EBF1: variants seen among roughly 807,000 people sequenced by gnomAD.
EBF1 encodes EBF transcription factor 1, also known as transcription factor COE1.
EBF1 carries 10 observed loss-of-function variants against 68.4 expected under a neutral mutation model. That is an observed-to-expected ratio of 0.15 (90% confidence interval 0.09 to 0.25). EBF1 has a LOEUF of 0.25. Ranked by LOEUF, EBF1 falls within the 10% of genes least tolerant of loss-of-function variation. EBF1 has a pLI of 1.00. For synonymous variants in EBF1, 298 were observed against 299.8 expected (o/e 0.99, Z 0.06); for missense variants, 509 against 794.4 (o/e 0.64, Z 4.32).
intron 8 of EBF1, among the ~76,000 whole-genome samples, chr5:158,811,469 G>C (rs1392887543): frequency 6.6e-6 from 1 of 152,200 alleles, no homozygotes; most frequent in Non-Finnish European, 1.5e-5. Flanking sequence ...AAAAGCTGCA[G>C]ATAAAAACCT....
At chr5:158,986,303 A>T (rs569184889) in intron 6 of EBF1, 1 of 152,330 alleles carries the variant, frequency 6.6e-6, no homozygotes, top group East Asian at 1.9e-4. Context: ...TGAAATGGGG[A>T]ACAGGTACAA....
intron 6 of EBF1, among the ~76,000 whole-genome samples, chr5:159,053,605 T>TCTCA (rs750232925): frequency 5.2e-4 from 76 of 146,410 alleles, no homozygotes; most frequent in East Asian, 1.2e-3. Flanking sequence ...TCTCTCTCTC[T>TCTCA]CACACACACA....
At chr5:159,076,693 C>T (rs1778840839) in intron 5 of EBF1, among the ~76,000 whole-genome samples, 2 of 152,182 alleles carry the variant, frequency 1.3e-5, no homozygotes, top group East Asian at 1.9e-4. Context: ...TGGGTCATAT[C>T]ACTGCATCAC....
At chr5:158,961,037 A>G (rs2127534174) in intron 6 of EBF1, among the ~76,000 whole-genome samples, 1 of 152,388 alleles carries the variant, frequency 6.6e-6, no homozygotes, top group South Asian at 2.1e-4. Context: ...TAGGCAATTC[A>G]CCAAAATATG....
At chr5:158,842,017 A>C (rs1790430562) in intron 6 of EBF1, among the ~76,000 whole-genome samples, 1 of 152,242 alleles carries the variant, frequency 6.6e-6, no homozygotes. Context: ...AATGGCTTAC[A>C]GAACACCACT....
chr5:158,951,487 A>G (rs1345945999), intron 6 of EBF1, among the ~76,000 whole-genome samples: 8 of 152,258 alleles, frequency 5.3e-5, no homozygotes, highest in Admixed American at 3.9e-4. Flanking sequence ...ATCATGAACC[A>G]GACACGGAGT....
intron 6 of EBF1, among the ~76,000 whole-genome samples, chr5:158,874,871 T>G (rs1479297055): frequency 2.6e-5 from 4 of 152,220 alleles, no homozygotes; most frequent in Non-Finnish European, 4.4e-5. Flanking sequence ...TGGGATCCTC[T>G]TGTATGGTGT....
intron 6 of EBF1, among the ~76,000 whole-genome samples, chr5:158,881,652 T>C (rs1402479004): frequency 6.6e-6 from 1 of 152,210 alleles, no homozygotes; most frequent in Non-Finnish European, 1.5e-5. Context: ...AGTCTCCACA[T>C]CACCTCTCTT....
chr5:158,763,219 A>G (rs1266243456), intron 10 of EBF1, among the ~76,000 whole-genome samples: 1 of 152,180 alleles, frequency 6.6e-6, no homozygotes, highest in East Asian at 1.9e-4. Flanking sequence ...GAATTTCACC[A>G]AAAGTCTCCA....
At chr5:158,941,995 G>C (rs1813530840) in intron 6 of EBF1, among the ~76,000 whole-genome samples, 1 of 152,166 alleles carries the variant, frequency 6.6e-6, no homozygotes, top group Non-Finnish European at 1.5e-5. Flanking sequence ...GAAACAAAAG[G>C]CATGTGACTA....
intron 10 of EBF1, among the ~76,000 whole-genome samples, chr5:158,734,010 G>A (rs535654940): frequency 3.9e-5 from 6 of 152,214 alleles, no homozygotes; most frequent in South Asian, 2.1e-4. Flanking sequence ...TAAGGCACCC[G>A]CATGGAATAG....
chr5:158,819,998 A>G (rs1465165861), intron 8 of EBF1, among the ~76,000 whole-genome samples: 3 of 152,122 alleles, frequency 2.0e-5, no homozygotes, highest in East Asian at 1.9e-4. Flanking sequence ...TTGCGAGTCC[A>G]TGGGTCACAT....
At chr5:158,954,801 C>T (rs979586226) in intron 6 of EBF1, among the ~76,000 whole-genome samples, 7 of 152,228 alleles carry the variant, frequency 4.6e-5, no homozygotes, top group Admixed American at 1.3e-4. Flanking sequence ...CAAATATTCA[C>T]GGGAAAGGTA....
intron 6 of EBF1, among the ~76,000 whole-genome samples, chr5:159,011,996 T>C (rs1026522591): frequency 5.3e-5 from 8 of 152,152 alleles, no homozygotes; most frequent in African/African-American, 1.9e-4. Context: ...GCTTAGAAAA[T>C]GCTGACATGT....
intron 6 of EBF1, among the ~76,000 whole-genome samples, chr5:158,855,621 C>T (rs558148067): frequency 6.6e-6 from 1 of 152,354 alleles, no homozygotes; most frequent in Admixed American, 6.5e-5. Context: ...AGTGATCCCC[C>T]TCTCATTCCC....
intron 6 of EBF1, among the ~76,000 whole-genome samples, chr5:159,064,234 A>G (rs1421501879): frequency 2.0e-5 from 3 of 152,210 alleles, no homozygotes; most frequent in Non-Finnish European, 4.4e-5. Context: ...TGTGACATCA[A>G]CTAAGAAAGC....
intron 6 of EBF1, among the ~76,000 whole-genome samples, chr5:158,840,864 G>T (rs1790202252): frequency 6.6e-6 from 1 of 150,674 alleles, no homozygotes; most frequent in Non-Finnish European, 1.5e-5. Flanking sequence ...GTAGAGACGG[G>T]GTTTCACCGT....
chr5:158,924,610 T>C (rs918473374), intron 6 of EBF1, among the ~76,000 whole-genome samples: 2 of 151,950 alleles, frequency 1.3e-5, no homozygotes, highest in African/African-American at 4.8e-5. Context: ...CCCAGCAGTT[T>C]GGAAGGCCGA....
At chr5:159,041,046 A>C (rs1031683481) in intron 6 of EBF1, among the ~76,000 whole-genome samples, 15 of 152,224 alleles carry the variant, frequency 9.9e-5, no homozygotes, top group Non-Finnish European at 1.0e-4. Flanking sequence ...TCTTTTCCAA[A>C]GAGAAATACA....
Sources: allele counts gnomAD v4.1 joint callset (sites outside exome capture counted in the v4.1 genomes callset), GRCh38; gene constraint gnomAD v4.1.1; transcripts MANE v1.5; gene names NCBI Gene and HGNC (gene_info 2026-07-23, HGNC 2026-07-21).